Variants in UBE2E2 observed in about 807,000 individuals in gnomAD.
UBE2E2 encodes ubiquitin conjugating enzyme E2 E2, also known as ubiquitin-conjugating enzyme E2 E2.
UBE2E2 carries 6 observed loss-of-function variants against 24.7 expected under a neutral mutation model. The ratio of observed to expected loss-of-function variants is 0.24; its 90% CI spans 0.13 to 0.48. UBE2E2 has a LOEUF of 0.48. Ranked by LOEUF, UBE2E2 falls within the 20% of genes least tolerant of loss-of-function variation. The pLI, the probability that UBE2E2 is intolerant of heterozygous loss-of-function variation, is 0.99. For missense variants in UBE2E2, 169 were observed against 245.0 expected (o/e 0.69, Z 2.07); for synonymous variants, 104 against 83.6 (o/e 1.24, Z -1.33).
intron 3 of UBE2E2, among the ~76,000 whole-genome samples, chr3:23,491,371 A>C (rs1559400903): frequency 6.6e-6 from 1 of 152,112 alleles, no homozygotes; most frequent in Non-Finnish European, 1.5e-5. Flanking sequence ...TTCTTCCCCC[A>C]AAATTAGAGG....
At chr3:23,282,153 C>A (rs899817776) in intron 3 of UBE2E2, among the ~76,000 whole-genome samples, 4 of 152,222 alleles carry the variant, frequency 2.6e-5, no homozygotes, top group African/African-American at 9.6e-5. Flanking sequence ...AATTCCCATT[C>A]CTACATATGG....
chr3:23,272,273 G>T (rs1338147376), intron 3 of UBE2E2, among the ~76,000 whole-genome samples: 1 of 152,132 alleles, frequency 6.6e-6, no homozygotes, highest in African/African-American at 2.4e-5. Context: ...GTCCCTCACT[G>T]CCCGGGGCCG....
chr3:23,313,059 C>T (rs1365953372), intron 3 of UBE2E2, among the ~76,000 whole-genome samples: 3 of 152,092 alleles, frequency 2.0e-5, no homozygotes, highest in Non-Finnish European at 4.4e-5. Flanking sequence ...GAGTACACAG[C>T]GTATTCTGCA....
chr3:23,552,822 C>T (rs1313854564), intron 5 of UBE2E2, among the ~76,000 whole-genome samples: 3 of 152,298 alleles, frequency 2.0e-5, no homozygotes, highest in South Asian at 4.1e-4. Flanking sequence ...TGCCATAACT[C>T]ATTCAGAAAA....
intron 3 of UBE2E2, among the ~76,000 whole-genome samples, chr3:23,444,107 G>A (rs1698371654): frequency 7.4e-6 from 1 of 135,942 alleles, no homozygotes. Flanking sequence ...CTTGCCTGCT[G>A]AAATAAAATA....
At chr3:23,515,120 G>GGTGTGTGTGTGTGTGT (rs58387270) in intron 4 of UBE2E2, among the ~76,000 whole-genome samples, 1 of 148,016 alleles carries the variant, frequency 6.8e-6, no homozygotes, top group Admixed American at 6.8e-5. Context: ...ATAAACTTGG[G>GGTGTGTGTGTGTGTGT]GTGTGTGTGT....
At chr3:23,212,856 T>C (rs931817361) in intron 2 of UBE2E2, among the ~76,000 whole-genome samples, 1 of 152,268 alleles carries the variant, frequency 6.6e-6, no homozygotes, top group South Asian at 2.1e-4. Context: ...TTAAAATCAA[T>C]GATCTTTCAG....
chr3:23,553,699 C>T (rs148652377), intron 5 of UBE2E2, among the ~76,000 whole-genome samples: 1 of 152,180 alleles, frequency 6.6e-6, no homozygotes, highest in East Asian at 1.9e-4. Context: ...AGTAAAGTTA[C>T]AGGATATAAA....
At chr3:23,581,371 G>C (rs1253661917) in intron 5 of UBE2E2, among the ~76,000 whole-genome samples, 1 of 152,344 alleles carries the variant, frequency 6.6e-6, no homozygotes, top group East Asian at 1.9e-4. Flanking sequence ...GAAAGATAAA[G>C]TCTGGATCAC....
intron 3 of UBE2E2, among the ~76,000 whole-genome samples, chr3:23,380,465 A>C (rs1392160760): frequency 6.6e-6 from 1 of 152,058 alleles, no homozygotes; most frequent in Non-Finnish European, 1.5e-5. Context: ...GCCTCAAGTG[A>C]TCCTCCCGCC....
chr3:23,339,782 A>T (rs896542715), intron 3 of UBE2E2, among the ~76,000 whole-genome samples: 1 of 152,086 alleles, frequency 6.6e-6, no homozygotes, highest in Non-Finnish European at 1.5e-5. Flanking sequence ...TGTTAGCAAG[A>T]TGTGTCTTTA....
At chr3:23,313,384 G>GCC (rs1694466719) in intron 3 of UBE2E2, among the ~76,000 whole-genome samples, 4 of 60,858 alleles carry the variant, frequency 6.6e-5, no homozygotes, top group Non-Finnish European at 9.4e-5. Context: ...GGATCATTGG[G>GCC]TCTTTTTTTT....
chr3:23,270,519 C>T (rs1309451021), intron 3 of UBE2E2, among the ~76,000 whole-genome samples: 6 of 152,136 alleles, frequency 3.9e-5, no homozygotes, highest in South Asian at 4.1e-4. Flanking sequence ...CTGCAGGGCT[C>T]GTTCTGTTCT....
Position 23,403,817 on chromosome 3 carries a change from A to G in UBE2E2, c.228-95791A>G, listed in dbSNP as rs1288267091. On this transcript the variant is annotated intron_variant, in intron 3 of 5. Transcript: ENST00000396703. ...AGTGAGATTCCGTCTCCAAAAAAAA[A>G]AAAAAAAAAGCCATTGTAGGATAGT... Among the ~76,000 whole-genome samples the G allele has an allele frequency of 2.0e-5, 3 of 152,058 alleles. No homozygotes were observed. In the East Asian group the frequency reaches 5.8e-4, roughly 29 times the overall value.
At chr3:23,566,416 G>A (rs988790555) in intron 5 of UBE2E2, among the ~76,000 whole-genome samples, 2 of 152,172 alleles carry the variant, frequency 1.3e-5, no homozygotes, top group South Asian at 2.1e-4. Flanking sequence ...GGTTCATCTC[G>A]TAGTGGACAG....
intron 3 of UBE2E2, among the ~76,000 whole-genome samples, chr3:23,249,748 T>C (rs1034331456): frequency 1.3e-5 from 2 of 152,002 alleles, no homozygotes; most frequent in African/African-American, 4.8e-5. Flanking sequence ...CTCTGCTTTC[T>C]GGGTTCATGC....
intron 3 of UBE2E2, among the ~76,000 whole-genome samples, chr3:23,359,586 A>G (rs530119623): frequency 4.2e-4 from 64 of 152,342 alleles, no homozygotes; most frequent in Middle Eastern, 6.8e-3. Flanking sequence ...ATCTATTAAA[A>G]AAAATTTGTA....
chr3:23,466,828 C>T (rs915940202), intron 3 of UBE2E2, among the ~76,000 whole-genome samples: 2 of 152,012 alleles, frequency 1.3e-5, no homozygotes, highest in African/African-American at 4.8e-5. Flanking sequence ...CAGCCTCCCA[C>T]AGTGCTGGGA....
intron 5 of UBE2E2, among the ~76,000 whole-genome samples, chr3:23,533,057 T>G (rs1365497736): frequency 6.6e-6 from 1 of 152,164 alleles, no homozygotes; most frequent in Non-Finnish European, 1.5e-5. Context: ...AGATGTTAAT[T>G]TGAGGAATGT....
Sources: allele counts gnomAD v4.1 joint callset (sites outside exome capture counted in the v4.1 genomes callset), GRCh38; gene constraint gnomAD v4.1.1; transcripts MANE v1.5; gene names NCBI Gene and HGNC (gene_info 2026-07-23, HGNC 2026-07-21).